The following APBA2 variants were observed in gnomAD, a reference collection of about 807,000 sequenced individuals.
APBA2 encodes the protein amyloid-beta A4 precursor protein-binding family A member 2.
Under a neutral mutation model 75.0 loss-of-function variants are expected in APBA2, and 30 were observed. The observed-to-expected ratio is 0.40, with a 90% CI of 0.30 to 0.54. The LOEUF is 0.54. Among genes scored for constraint, APBA2 ranks in the 20% least tolerant of loss-of-function variants. The pLI is 0.49. For synonymous variants in APBA2, 444 were observed against 409.6 expected, an observed-to-expected ratio of 1.08 and a Z score of -1.01; for missense variants, 801 against 1,016.1, an observed-to-expected ratio of 0.79 and a Z score of 2.88.
chr15:29,028,652 A>C (rs915944089), intron 3 of APBA2, among the ~76,000 whole-genome samples: 68 of 152,250 alleles, frequency 4.5e-4, no homozygotes, highest in African/African-American at 1.6e-3. Flanking sequence ...TATTTCCCCG[A>C]AACCTCGCCA....
chr15:29,090,390 A>G (rs2043502193), intron 6 of APBA2, among the ~76,000 whole-genome samples: 1 of 152,208 alleles, frequency 6.6e-6, no homozygotes, highest in African/African-American at 2.4e-5. Context: ...TCTTTCCCAA[A>G]TCTACTCAAG....
intron 10 of APBA2, among the ~76,000 whole-genome samples, chr15:29,103,474 G>A (rs1180732900): frequency 1.3e-5 from 2 of 152,206 alleles, no homozygotes; most frequent in Non-Finnish European, 2.9e-5. Context: ...CTTCTCTGAA[G>A]CGCCAGCCGC....
At chr15:29,012,395 C>T (rs931717107) in intron 3 of APBA2, among the ~76,000 whole-genome samples, 1 of 152,110 alleles carries the variant, frequency 6.6e-6, no homozygotes, top group Non-Finnish European at 1.5e-5. Flanking sequence ...GGGCTATGGG[C>T]TTTGGGGCAG....
intron 3 of APBA2, among the ~76,000 whole-genome samples, chr15:29,043,353 C>G (rs1021468008): frequency 6.6e-6 from 1 of 152,264 alleles, no homozygotes; most frequent in South Asian, 2.1e-4. Flanking sequence ...CAACATTAAC[C>G]CCAAGCCTCT....
intron 6 of APBA2, among the ~76,000 whole-genome samples, chr15:29,090,843 G>A (rs2043528052): frequency 6.6e-6 from 1 of 152,138 alleles, no homozygotes; most frequent in African/African-American, 2.4e-5. Context: ...TCAGGCGCTG[G>A]GAGCCTTCCC....
intron 3 of APBA2, among the ~76,000 whole-genome samples, chr15:29,030,286 C>G (rs918191936): frequency 6.6e-6 from 1 of 151,894 alleles, no homozygotes; most frequent in Non-Finnish European, 1.5e-5. Context: ...GGTGAAACCC[C>G]GTCTCTACTA....
chr15:29,039,269 A>G (rs1012388029), intron 3 of APBA2, among the ~76,000 whole-genome samples: 2 of 151,880 alleles, frequency 1.3e-5, no homozygotes, highest in African/African-American at 2.4e-5. Context: ...AGAAGGTCGT[A>G]TCTTATTACC....
intron 4 of APBA2, among the ~76,000 whole-genome samples, chr15:29,057,129 G>A (rs2041935598): frequency 6.6e-6 from 1 of 152,114 alleles, no homozygotes; most frequent in Non-Finnish European, 1.5e-5. Flanking sequence ...CCCTATGGTT[G>A]AGGCTGCAGT....
chr15:29,047,073 G>T (rs1376470344), intron 3 of APBA2, among the ~76,000 whole-genome samples: 1 of 152,240 alleles, frequency 6.6e-6, no homozygotes, highest in Non-Finnish European at 1.5e-5. Flanking sequence ...CTAAGGAGGG[G>T]AAGGCCATCT....
chr15:28,992,145 G>GAGGGGAC (rs1220634231), intron 2 of APBA2, among the ~76,000 whole-genome samples: 1 of 152,070 alleles, frequency 6.6e-6, no homozygotes, highest in Non-Finnish European at 1.5e-5. Flanking sequence ...CCCTGCTTTG[G>GAGGGGAC]AGGGGACGCT....
chr15:29,114,952 GGTCT>G, intron 14 of APBA2, among the ~76,000 whole-genome samples: 1 of 151,472 alleles, frequency 6.6e-6, no homozygotes, highest in Admixed American at 6.6e-5. Context: ...TGTGGCTGTG[GGTCT>G]GTGAGTGGGT....
chr15:29,023,534 C>A (rs1436814110), intron 3 of APBA2, among the ~76,000 whole-genome samples: 2 of 141,024 alleles, frequency 1.4e-5, no homozygotes, highest in Admixed American at 1.5e-4. Context: ...TGGCTCACTG[C>A]AACCTCTGTC....
At chr15:28,900,566 T>G (rs1309797733) in intron 1 of APBA2, among the ~76,000 whole-genome samples, 2 of 152,144 alleles carry the variant, frequency 1.3e-5, no homozygotes, top group African/African-American at 4.8e-5. Flanking sequence ...ACTACTGTGG[T>G]GTGTTTGGTG....
chr15:28,961,981 C>T (rs1040394141), intron 2 of APBA2, among the ~76,000 whole-genome samples: 5 of 152,242 alleles, frequency 3.3e-5, no homozygotes, highest in Middle Eastern at 3.4e-3. Flanking sequence ...GAGAAAAGGC[C>T]GGGTGGCATG....
chr15:29,056,614 T>TTCCTTCCC (rs2041906986), intron 4 of APBA2, among the ~76,000 whole-genome samples: 1 of 11,418 alleles, frequency 8.8e-5, no homozygotes, highest in Non-Finnish European at 1.5e-4. Flanking sequence ...CCCTCCCTCC[T>TTCCTTCCC]TCTCTCCCTC....
rs144320326 is a variant in APBA2, at chr15:28,905,429, G to A, written c.-204-16211G>A. On this transcript the variant is annotated intron_variant, in intron 1 of 14. Coordinates refer to ENST00000683413, the MANE Select transcript of APBA2 (RefSeq NM_001353788.2). ...ACTTCTGGTGAATTTTAAAGTGCTT[G>A]TCTATTTTGTTTCATTCTCCAATAC... is the stretch of plus-strand genomic sequence containing the variant. Among the ~76,000 whole-genome samples, 11 of 152,328 alleles carry A rather than the reference G, an allele frequency of 7.2e-5. No individual in the cohort carries two copies. The East Asian group carries it at 1.9e-3, about 27-fold the overall frequency.
intron 1 of APBA2, chr15:28,919,356 G>A (rs1340902871): frequency 6.6e-6 from 1 of 152,282 alleles, no homozygotes; most frequent in Non-Finnish European, 1.5e-5. Context: ...TTGTTGAACG[G>A]AGGGAGAATG....
chr15:29,107,421 T>C (rs8040344), intron 12 of APBA2, among the ~76,000 whole-genome samples: 150,701 of 152,300 alleles, frequency 0.99, 74,583 homozygotes, highest in Middle Eastern at 1. Flanking sequence ...CTGGCGGCTC[T>C]TGTGACCCAG....
chr15:29,023,026 T>C (rs1219841157), intron 3 of APBA2, among the ~76,000 whole-genome samples: 2 of 152,246 alleles, frequency 1.3e-5, no homozygotes, highest in African/African-American at 4.8e-5. Context: ...CATTGATTTA[T>C]GTGTTAAACT....
Sources: gnomAD v4.1 joint callset for allele counts (sites outside exome capture counted in the v4.1 genomes callset) on GRCh38, gnomAD v4.1.1 for gene constraint, MANE v1.5 for transcripts, NCBI Gene and HGNC (gene_info 2026-07-23, HGNC 2026-07-21) for gene names.